The following SKAP1 variants were observed in gnomAD, a reference collection of about 807,000 sequenced individuals.
SKAP1 encodes the protein src kinase associated phosphoprotein 1, also known as src kinase-associated phosphoprotein 1.
Under a neutral mutation model 58.5 loss-of-function variants are expected in SKAP1, and 44 were observed. That is an observed-to-expected ratio of 0.75 (90% CI 0.59 to 0.97). The LOEUF (loss-of-function observed/expected upper bound fraction) is 0.97. Among genes scored for constraint, SKAP1 ranks in the 50% least tolerant of loss-of-function variants. The probability of loss-of-function intolerance (pLI) is 0.00; values close to 1 mark genes in which losing one functional copy is unlikely to be tolerated. For synonymous variants in SKAP1, 127 were observed against 149.7 expected (o/e 0.85, Z 1.11); for missense variants, 390 against 435.2 (o/e 0.90, Z 0.92).
intron 8 of SKAP1, among the ~76,000 whole-genome samples, chr17:48,180,707 C>A (rs2064356778): frequency 6.6e-6 from 1 of 152,132 alleles, no homozygotes; most frequent in Non-Finnish European, 1.5e-5. Flanking sequence ...AAGCTTATCT[C>A]CCCAGTGATT....
chr17:48,265,286 A>T (rs1474273208), intron 4 of SKAP1, among the ~76,000 whole-genome samples: 1 of 152,140 alleles, frequency 6.6e-6, no homozygotes, highest in Non-Finnish European at 1.5e-5. Flanking sequence ...GAGGCGGATC[A>T]CGAGGTCAGG....
chr17:48,420,087 G>T (rs1327192913), intron 1 of SKAP1, among the ~76,000 whole-genome samples: 1 of 152,164 alleles, frequency 6.6e-6, no homozygotes, highest in African/African-American at 2.4e-5. Context: ...AAACTGGAAA[G>T]CAAGCAATGA....
intron 4 of SKAP1, among the ~76,000 whole-genome samples, chr17:48,344,931 A>T (rs2066702994): frequency 6.6e-6 from 1 of 152,246 alleles, no homozygotes; most frequent in Admixed American, 6.5e-5. Flanking sequence ...AAAGAAATGG[A>T]AAGATTGCAG....
chr17:48,169,894 T>C (rs749443235), intron 10 of SKAP1, among the ~76,000 whole-genome samples: 12 of 152,214 alleles, frequency 7.9e-5, no homozygotes, highest in Non-Finnish European at 1.6e-4. Context: ...ATTAGGGCTC[T>C]GCCGACGGAA....
At chr17:48,142,984 T>TTTA (rs2063786609) in intron 11 of SKAP1, among the ~76,000 whole-genome samples, 1 of 150,046 alleles carries the variant, frequency 6.7e-6, no homozygotes, top group Non-Finnish European at 1.5e-5. Flanking sequence ...AAAAAAACTT[T>TTTA]TTTTTTTTTT....
intron 1 of SKAP1, among the ~76,000 whole-genome samples, chr17:48,403,173 G>A (rs1172399848): frequency 1.3e-5 from 2 of 150,750 alleles, no homozygotes; most frequent in African/African-American, 4.9e-5. Context: ...AGACAAGCCT[G>A]GGCAAAAATC....
chr17:48,180,005 A>G (rs375287912), intron 9 of SKAP1, 49 bp downstream of exon 9: 2 of 1,485,536 alleles, frequency 1.3e-6, no homozygotes, highest in African/African-American at 2.8e-5. Context: ...CCACCAGGTC[A>G]TGAATTTCTG....
At chr17:48,389,417 T>C (rs1035726881) in intron 2 of SKAP1, among the ~76,000 whole-genome samples, 1 of 152,206 alleles carries the variant, frequency 6.6e-6, no homozygotes, top group Admixed American at 6.5e-5. Context: ...ATGAAGAAAC[T>C]ACATCACGCC....
chr17:48,189,067 A>G (rs1178839134), intron 5 of SKAP1, among the ~76,000 whole-genome samples: 1 of 152,230 alleles, frequency 6.6e-6, no homozygotes, highest in East Asian at 1.9e-4. Context: ...ACTGCTTCAC[A>G]TATGATACAA....
intron 3 of SKAP1, among the ~76,000 whole-genome samples, chr17:48,355,250 C>CT (rs995627670): frequency 1.3e-5 from 2 of 151,938 alleles, no homozygotes; most frequent in African/African-American, 4.8e-5. Flanking sequence ...GAGTATTATA[C>CT]AATACTAATT....
intron 2 of SKAP1, among the ~76,000 whole-genome samples, chr17:48,367,082 T>G (rs917580347): frequency 6.6e-6 from 1 of 152,184 alleles, no homozygotes; most frequent in Non-Finnish European, 1.5e-5. Flanking sequence ...AGATTTTCAG[T>G]CCTTTTCTCT....
At chr17:48,211,321 A>C (rs1269624127) in intron 4 of SKAP1, among the ~76,000 whole-genome samples, 2 of 152,144 alleles carry the variant, frequency 1.3e-5, no homozygotes, top group Admixed American at 1.3e-4. Flanking sequence ...GTTGTCTGCA[A>C]ATCAATTCAT....
intron 4 of SKAP1, among the ~76,000 whole-genome samples, chr17:48,340,052 C>T (rs770514362): frequency 5.3e-5 from 8 of 151,974 alleles, no homozygotes; most frequent in South Asian, 4.1e-4. Flanking sequence ...GTGTGGCATG[C>T]GCCTATAATC....
chr17:48,384,938 G>A (rs897417700), intron 2 of SKAP1, among the ~76,000 whole-genome samples: 10 of 152,274 alleles, frequency 6.6e-5, no homozygotes, highest in Admixed American at 5.9e-4. Context: ...TAAGGAGAAC[G>A]TGGTGAGGAA....
At chr17:48,192,581 T>C (rs1352122897) in intron 4 of SKAP1, among the ~76,000 whole-genome samples, 1 of 152,138 alleles carries the variant, frequency 6.6e-6, no homozygotes, top group Non-Finnish European at 1.5e-5. Context: ...AGTGAAACTT[T>C]TATTTAGATG....
intron 7 of SKAP1, among the ~76,000 whole-genome samples, chr17:48,183,522 A>AT (rs2064398622): frequency 6.6e-6 from 1 of 152,234 alleles, no homozygotes; most frequent in African/African-American, 2.4e-5. Context: ...GGTATATGCT[A>AT]TACAAAGAAA....
At position 48,145,544 on chromosome 17, in the gene SKAP1, C is replaced by T. The variant is rs535165257; in HGVS notation, c.979-8207G>A. 2.0e-5 allele frequency among the ~76,000 whole-genome samples: 3 copies of T among 152,218 alleles called. No individual in the cohort carries two copies. The South Asian group carries it at 6.2e-4, about 32-fold the overall frequency. ...CTCTGCCTCCAGTGGTTTCCTATTG[C>T]TGTTTATGGTTTCAGGACTATCATG... is the stretch of plus-strand genomic sequence containing the variant. On this transcript the variant is annotated intron_variant, in intron 11 of 12. Coordinates refer to ENST00000336915, the MANE Select transcript of SKAP1 (RefSeq NM_003726.4).
At chr17:48,191,670 A>T (rs1045318700) in intron 4 of SKAP1, among the ~76,000 whole-genome samples, 70 of 152,338 alleles carry the variant, frequency 4.6e-4, no homozygotes, top group African/African-American at 1.5e-3. Context: ...TTAGTTATAA[A>T]AAGGTAGATC....
At chr17:48,209,131 G>C (rs2064842613) in intron 4 of SKAP1, among the ~76,000 whole-genome samples, 1 of 152,112 alleles carries the variant, frequency 6.6e-6, no homozygotes, top group African/African-American at 2.4e-5. Context: ...GACAAGGCAG[G>C]AACAGAAGGA....
Sources: gnomAD v4.1 joint callset for allele counts (sites outside exome capture counted in the v4.1 genomes callset) on GRCh38, gnomAD v4.1.1 for gene constraint, MANE v1.5 for transcripts, NCBI Gene and HGNC (gene_info 2026-07-23, HGNC 2026-07-21) for gene names.